Variants in CDAN1 observed in about 807,000 individuals in gnomAD.
CDAN1 encodes codanin 1.
In CDAN1, 107 loss-of-function variants were observed where a neutral mutation model predicts 139.8. The observed-to-expected ratio is 0.77, with a 90% CI of 0.65 to 0.90. The LOEUF (loss-of-function observed/expected upper bound fraction) is 0.90. Among genes scored for constraint, CDAN1 ranks in the 40% least tolerant of loss-of-function variants. The pLI is 0.00. For missense variants in CDAN1, 1,667 were observed against 1,575.7 expected (o/e 1.06, Z -0.98); for synonymous variants, 776 against 660.6 (o/e 1.17, Z -2.68).
At position 42,729,083 on chromosome 15, in the gene CDAN1, A is replaced by G. The variant is rs201960893; in HGVS notation, c.2585T>C (p.Leu862Ser). 1.5e-5 allele frequency: 25 copies of G among 1,614,210 alleles called. No homozygotes were observed. The East Asian group carries it at 4.2e-4, about 27-fold the overall frequency. ...QAFFHNQPPS[L>S]RRTVEFVAER... ...TGCCACGAACTCTACGGTCCGGCGC[A>G]AGGAGGGCGGCTGGTTGTGGAAAAA... The change falls in exon 19 of 28, where the codon TTG (leucine) becomes TCG (serine). Residue 862 changes from leucine (L) to serine (S), a missense_variant. By Grantham distance (145) the Leu-to-Ser change is moderately radical. This residue lies in a region of CDAN1 where 936 missense variants were observed against 844.1 expected (regional missense o/e 1.11). Transcript: ENST00000356231.
intron 19 of CDAN1, 35 bp downstream of exon 19, chr15:42,728,988 G>T (rs142713606): frequency 6.2e-7 from 1 of 1,603,184 alleles, no homozygotes; most frequent in East Asian, 2.2e-5. Context: ...AAAAATGGTA[G>T]GGCGATGAGA....
At chr15:42,734,538 G>T (rs939191111) in intron 6 of CDAN1, among the ~76,000 whole-genome samples, 192 bp from the exon 7 acceptor site, 1 of 152,170 alleles carries the variant, frequency 6.6e-6, no homozygotes, top group Non-Finnish European at 1.5e-5. Flanking sequence ...ACAGAGCAAG[G>T]ACCAAGACAG....
chr15:42,727,139 TCA>T (rs2061539406), intron 23 of CDAN1: 1 of 156,366 alleles, frequency 6.4e-6, no homozygotes, highest in South Asian at 2.0e-4. Context: ...CTGGCTCGCT[TCA>T]GTCCATGGGC....
rs879634242 is a variant in CDAN1, at chr15:42,727,743, C to T, written c.2974G>A (p.Ala992Thr). ...TALIRREVKA[A>T]VSRTLRAQGP... Reference sequence around the variant, plus strand: ...TGGGCTCGAAGTGTGCGACTCACTGCTGCTTTCACCTCCCTCCTGATCAGT... The same window carrying T: ...TGGGCTCGAAGTGTGCGACTCACTGTTGCTTTCACCTCCCTCCTGATCAGT... The change falls in exon 23 of 28, where the codon GCA becomes ACA. Residue 992 changes from alanine to threonine, a missense_variant. Coordinates refer to ENST00000356231, the MANE Select transcript of CDAN1 (RefSeq NM_138477.4). 3 of 1,590,872 alleles carry T rather than the reference C, an allele frequency of 1.9e-6. No individual in the cohort carries two copies. The highest frequency in any genetic ancestry group is 1.7e-5 in the Admixed American group (1 of 59,086).
In CDAN1 at chr15:42,725,234, G is replaced by C. The variant is rs1372619985; in HGVS notation, c.3468C>G (p.Phe1156Leu). 6.2e-7 allele frequency: 1 copy of C among 1,614,180 alleles called. No individual in the cohort carries two copies. The highest frequency in any genetic ancestry group is 8.5e-7 in the Non-Finnish European group (1 of 1,179,986). ...CCTTCTCCACCAGCTCCCGTAGCAA[G>C]AATAGCAGCAAGTCCCACTGCAAAA... ...TRPREWDLLL[F>L]LLRELVEKGL... The change falls in exon 27 of 28, where the codon TTC becomes TTG. Residue 1156 changes from phenylalanine (F) to leucine (L), a missense_variant. Phe to Leu is a conservative substitution (Grantham distance 22). Coordinates refer to ENST00000356231, the MANE Select transcript of CDAN1 (RefSeq NM_138477.4).
rs929153491 is a variant in CDAN1, at chr15:42,726,497, C to T, written c.3097-80G>A. On this transcript the variant is annotated intron_variant, in intron 23 of 27. Transcript: ENST00000356231. ...GAATTTGGCTTGGGACAGGGATCAG[C>T]CAGTGGAGAGAGGCAGAAGAATGGG... The T allele has an allele frequency of 3.6e-6, 4 of 1,113,054 alleles. No individual in the cohort carries two copies. The Admixed American group carries it at 6.0e-5, about 17-fold the overall frequency. The allele number at this position is 1,113,054 out of a possible 1,614,324, so 68.9% of individuals were successfully genotyped here.
rs564400840 is a variant in CDAN1, at chr15:42,734,441, C to T, written c.1137-95G>A. On this transcript the variant is annotated intron_variant, in intron 6 of 27. Transcript: ENST00000356231. The stretch of plus-strand genomic sequence containing the variant: ...ACCACAGAGGATCTCTAAGGCATGG[C>T]GCAGGTATGCAAGCCCAGATATGTA... 66 of 1,503,670 alleles carry T rather than the reference C, an allele frequency of 4.4e-5. No individual in the cohort carries two copies. The South Asian group carries it at 6.5e-4, about 15-fold the overall frequency. The allele number at this position is 1,503,670 out of a possible 1,614,324, so 93.1% of individuals were successfully genotyped here.
chr15:42,731,577 C>T, intron 11 of CDAN1, 43 bp downstream of exon 11: 6 of 1,602,694 alleles, frequency 3.7e-6, no homozygotes, highest in Middle Eastern at 3.8e-4. Flanking sequence ...CCAAACCTTT[C>T]CTGGCCTCTG....
Position 42,728,645 on chromosome 15 carries a change from T to A in CDAN1, c.2804+7A>T. 6.2e-7 allele frequency: 1 copy of A among 1,613,662 alleles called. No individual in the cohort carries two copies. The highest frequency in any genetic ancestry group is 8.5e-7 in the Non-Finnish European group (1 of 1,179,962). Reference sequence around the variant, plus strand: ...GAGAGTGGATCAAATGGACCAGCGCTGCTTACTCCCGCCCCAGGGCCAATG... The same window carrying A: ...GAGAGTGGATCAAATGGACCAGCGCAGCTTACTCCCGCCCCAGGGCCAATG... On this transcript the variant is annotated splice_region_variant and intron_variant, in intron 20 of 27. Transcript: ENST00000356231.
rs763117651 is a variant in CDAN1 at position 42,725,626 on chromosome 15, G to A, written c.3313C>T (p.Leu1105=). Residue 1105 remains leucine (L), a synonymous_variant, in exon 26 of 28, where the codon CTG becomes TTG. Transcript: ENST00000356231. ...AGCCTTCGAGCCTGCCCTCTCTCCAGCCTGTACTGTGCCGGGGGCCCTAGG... is the reference window on the plus strand; with the variant it reads ...AGCCTTCGAGCCTGCCCTCTCTCCAACCTGTACTGTGCCGGGGGCCCTAGG... The part of the protein sequence containing the change: ...PILGPPAQYR[L]ERGQARRLLH... The A allele has an allele frequency of 4.7e-5, 76 of 1,614,024 alleles. No individual in the cohort carries two copies. Among genetic ancestry groups the A allele is most frequent in the Non-Finnish European group, 5.1e-5 (60 of 1,180,040 alleles).
rs2061585835 is a variant in CDAN1, at chr15:42,729,895, C to T, written c.2263-10G>A. 2 of 1,609,246 alleles carry T rather than the reference C, an allele frequency of 1.2e-6. No homozygotes were observed. Among genetic ancestry groups the T allele is most frequent in the African/African-American group, 1.3e-5 (1 of 74,772 alleles). On this transcript the variant is annotated splice_polypyrimidine_tract_variant and intron_variant, in intron 15 of 27. Transcript: ENST00000356231. ...CAGGGACTGTGGGAATCTGGCAAGACAGTCACAATTCAGGTCAACTTCAGA... is the reference window on the plus strand; with the variant it reads ...CAGGGACTGTGGGAATCTGGCAAGATAGTCACAATTCAGGTCAACTTCAGA...
In CDAN1 at chr15:42,731,940, G is replaced by A. The variant is rs151080026; in HGVS notation, c.1534-115C>T. The stretch of plus-strand genomic sequence containing the variant: ...TTAAGGAATGCCAACTGTGTCAAGT[G>A]CTTTAGATAGATTTTCTGAGATGTG... On this transcript the variant is annotated intron_variant, in intron 10 of 27. Transcript: ENST00000356231. 2.1e-4 allele frequency: 190 copies of A among 921,498 alleles called. 2 individuals carry two copies. In the African/African-American group the frequency reaches 2.9e-3, roughly 14 times the overall value. The allele number at this position is 921,498 out of a possible 1,614,324, so 57.1% of individuals were successfully genotyped here.
At chr15:42,727,806 G>T in intron 22 of CDAN1, 37 bp from the exon 23 acceptor site, 1 of 1,610,486 alleles carries the variant, frequency 6.2e-7, no homozygotes. Context: ...GGAATCACGG[G>T]AGGGCCCTGC....
intron 6 of CDAN1, among the ~76,000 whole-genome samples, chr15:42,734,600 G>T (rs1001376397): frequency 6.6e-6 from 1 of 151,962 alleles, no homozygotes; most frequent in Non-Finnish European, 1.5e-5. Context: ...AGACCACAGG[G>T]GTCCATTTCT....
chr15:42,729,666 C>A lies in CDAN1; in HGVS notation c.2353-44G>T, dbSNP rs201287434. 3.7e-6 allele frequency: 6 copies of A among 1,610,022 alleles called. No homozygotes were observed. In the African/African-American group the frequency reaches 6.7e-5, roughly 18 times the overall value. ...TGTCAGCAGACTGCCCCTCCCCCAG[C>A]GCACCCAGAAAGCAGGCAGTTGGCA... On this transcript the variant is annotated intron_variant, in intron 16 of 27. Coordinates refer to ENST00000356231, the MANE Select transcript of CDAN1 (RefSeq NM_138477.4).
chr15:42,734,601 G>A (rs1322305966), intron 6 of CDAN1, among the ~76,000 whole-genome samples: 1 of 152,024 alleles, frequency 6.6e-6, no homozygotes, highest in African/African-American at 2.4e-5. Context: ...GACCACAGGG[G>A]TCCATTTCTT....
Position 42,729,268 on chromosome 15 carries a change from G to C in CDAN1, c.2502C>G (p.Ser834Arg), listed in dbSNP as rs1401514141. 1 of 1,613,570 alleles carries C rather than the reference G, an allele frequency of 6.2e-7. No homozygotes were observed. The highest frequency in any genetic ancestry group is 1.3e-5 in the African/African-American group (1 of 74,772). The change falls in exon 18 of 28, where the codon AGC becomes AGG. Residue 834 changes from serine to arginine, a missense_variant. Coordinates refer to ENST00000356231, the MANE Select transcript of CDAN1 (RefSeq NM_138477.4). ...TGGTCTGGGAAGGCTGGGCTCCCAG[G>C]CTGGTGGTAGTGGTGGGGGTGATTT... ...MRKITPTTTTSLGAQPSQTSQ... is the reference protein window; with the variant it reads ...MRKITPTTTTRLGAQPSQTSQ...
chr15:42,735,965 G>C lies in CDAN1; in HGVS notation c.683C>G (p.Pro228Arg). ...PPISCVPSSQPSALDTSPWGL... is the reference protein window; with the variant it reads ...PPISCVPSSQRSALDTSPWGL... ...CCAAGGGCTAGTGTCCAGGGCTGAG[G>C]GTTGGGAACTGGGGACACAGCTGAT... Residue 228 changes from proline (P) to arginine (R), a missense_variant, in exon 3 of 28, where the codon CCC becomes CGC. By Grantham distance (103) the Pro-to-Arg change is moderately radical (BLOSUM62 -2). Transcript: ENST00000356231. 6.2e-7 allele frequency: 1 copy of C among 1,614,188 alleles called. No individual in the cohort carries two copies. The highest frequency in any genetic ancestry group is 8.5e-7 in the Non-Finnish European group (1 of 1,180,022).
chr15:42,725,274 G>T (rs1469131164), intron 26 of CDAN1, 23 bp from the exon 27 acceptor site: 3 of 1,607,826 alleles, frequency 1.9e-6, no homozygotes, highest in Non-Finnish European at 2.6e-6. Flanking sequence ...CCGAGGTCAG[G>T]GTTGCTAGGA....
Sources: gnomAD v4.1 joint callset for allele counts (sites outside exome capture counted in the v4.1 genomes callset) on GRCh38, gnomAD v4.1.1 for gene constraint, gnomAD v4.1.1 regional missense constraint, MANE v1.5 for transcripts, NCBI Gene and HGNC (gene_info 2026-07-23, HGNC 2026-07-21) for gene names.